The following ABHD12 variants were observed in gnomAD, a reference collection of about 807,000 sequenced individuals.
The protein encoded by ABHD12 is abhydrolase domain containing 12, lysophospholipase.
Under a neutral mutation model 58.3 loss-of-function variants are expected in ABHD12, and 43 were observed. The observed-to-expected ratio is 0.74, with a 90% confidence interval of 0.58 to 0.95. The LOEUF is 0.95. Ranked by LOEUF, ABHD12 falls within the 40% of genes least tolerant of loss-of-function variation. ABHD12 has a pLI of 0.00. For missense variants in ABHD12, 539 were observed against 537.2 expected (o/e 1.00, Z -0.03); for synonymous variants, 219 against 211.2 (o/e 1.04, Z -0.32).
chr20:25,299,460 C>T (rs182461604), downstream of ABHD12, among the ~76,000 whole-genome samples: 1 of 152,114 alleles, frequency 6.6e-6, no homozygotes, highest in East Asian at 1.9e-4. Flanking sequence ...GCCTCAGTCC[C>T]CCAGCCAAGT....
In ABHD12 at chr20:25,300,789, C is replaced by T. The variant is rs2088621131; in HGVS notation, c.*56G>A. 28 of 1,613,628 alleles carry T rather than the reference C, an allele frequency of 1.7e-5. No individual in the cohort carries two copies. The South Asian group carries it at 2.4e-4, about 14-fold the overall frequency. On this transcript the variant is annotated 3_prime_UTR_variant, in exon 13 of 13. Transcript: ENST00000339157. ...GGGCTTCAGGATACCGGGCTGCTGA[C>T]TGGAGGAAAACGGGAGGAGGGCAGA...
intron 1 of ABHD12, among the ~76,000 whole-genome samples, chr20:25,379,108 A>C (rs1290179638): frequency 6.6e-6 from 1 of 152,076 alleles, no homozygotes; most frequent in African/African-American, 2.4e-5. Flanking sequence ...CTTCGTCTCA[A>C]ACCCAGCCCT....
At chr20:25,380,997 G>C (rs1304853952) in intron 1 of ABHD12, among the ~76,000 whole-genome samples, 1 of 152,162 alleles carries the variant, frequency 6.6e-6, no homozygotes, top group Non-Finnish European at 1.5e-5. Context: ...TGTGAATCCA[G>C]AATCACATGC....
chr20:25,329,263 C>A (rs997316112), intron 2 of ABHD12, among the ~76,000 whole-genome samples: 1 of 152,216 alleles, frequency 6.6e-6, no homozygotes, highest in African/African-American at 2.4e-5. Context: ...CTGGGCGGTG[C>A]GCCCCTTCAT....
chr20:25,332,614 C>T (rs2089296792), intron 2 of ABHD12, among the ~76,000 whole-genome samples: 1 of 151,444 alleles, frequency 6.6e-6, no homozygotes, highest in Non-Finnish European at 1.5e-5. Context: ...ATCTCTCAGA[C>T]CACAGTGCAA....
At chr20:25,315,932 T>C (rs1436193607) in intron 5 of ABHD12, among the ~76,000 whole-genome samples, 1 of 152,158 alleles carries the variant, frequency 6.6e-6, no homozygotes, top group East Asian at 1.9e-4. Flanking sequence ...TTCAACAGTA[T>C]CTCTTGGGCT....
At chr20:25,390,476 GGCCCCCCCCCC>G in intron 1 of ABHD12, 26 bp downstream of exon 1, 8 of 1,031,700 alleles carry the variant, frequency 7.8e-6, no homozygotes, top group South Asian at 1.9e-5. Context: ...GTGAGGGACC[GGCCCCCCCCCC>G]CCCCCCGCTC....
intron 1 of ABHD12, among the ~76,000 whole-genome samples, chr20:25,371,772 C>T (rs2089902666): frequency 6.6e-6 from 1 of 152,190 alleles, no homozygotes. Context: ...TGGTCTCGAA[C>T]TCCTTGGACT....
At chr20:25,384,609 G>A (rs1390628840) in intron 1 of ABHD12, among the ~76,000 whole-genome samples, 1 of 152,078 alleles carries the variant, frequency 6.6e-6, no homozygotes, top group Non-Finnish European at 1.5e-5. Flanking sequence ...GCTAGGCATG[G>A]TGGTGGGTGC....
intron 1 of ABHD12, among the ~76,000 whole-genome samples, chr20:25,345,252 A>AT (rs2089503461): frequency 2.0e-5 from 3 of 151,950 alleles, no homozygotes; most frequent in Admixed American, 2.0e-4. Flanking sequence ...CATCCAGCTG[A>AT]TTTTTTGTAT....
chr20:25,320,110 T>C, intron 4 of ABHD12, 89 bp downstream of exon 4: 1 of 1,582,448 alleles, frequency 6.3e-7, no homozygotes, highest in Non-Finnish European at 8.6e-7. Context: ...AGGTTGCTCC[T>C]GCTGGTTTCC....
intron 3 of ABHD12, among the ~76,000 whole-genome samples, chr20:25,322,526 C>T (rs1482985849): frequency 2.0e-5 from 3 of 148,828 alleles, no homozygotes; most frequent in Non-Finnish European, 3.0e-5. Context: ...ACTACAGGCG[C>T]GTGCCACCAT....
intron 1 of ABHD12, among the ~76,000 whole-genome samples, chr20:25,346,273 C>A (rs1818425508): frequency 6.6e-6 from 1 of 152,124 alleles, no homozygotes; most frequent in African/African-American, 2.4e-5. Context: ...TGTAAAAGGT[C>A]AAACTATGGA....
In ABHD12 at chr20:25,367,507, C is replaced by T. The variant is rs116355809; in HGVS notation, c.191+23006G>A. On this transcript the variant is annotated intron_variant, in intron 1 of 12. Transcript: ENST00000339157. ...CATACTGTTGTGTAATCACCACTACCATCCATCTCTGTAACTCTTTCCATC... is the reference window on the plus strand; with the variant it reads ...CATACTGTTGTGTAATCACCACTACTATCCATCTCTGTAACTCTTTCCATC... 3.5e-3 allele frequency among the ~76,000 whole-genome samples: 536 copies of T among 152,246 alleles called. 3 individuals carry two copies. The highest frequency in any genetic ancestry group is 0.012 in the African/African-American group (502 of 41,544).
At chr20:25,372,208 T>C (rs1047096643) in intron 1 of ABHD12, among the ~76,000 whole-genome samples, 1 of 151,664 alleles carries the variant, frequency 6.6e-6, no homozygotes, top group Non-Finnish European at 1.5e-5. Context: ...TGATGAATTA[T>C]CTCAGCCTCT....
intron 1 of ABHD12, among the ~76,000 whole-genome samples, chr20:25,360,764 C>T (rs1328728493): frequency 2.6e-5 from 4 of 152,174 alleles, no homozygotes; most frequent in Admixed American, 1.3e-4. Flanking sequence ...AGACAAGGCA[C>T]ATGAACCAAC....
At chr20:25,381,641 T>TTC (rs2090023429) in intron 1 of ABHD12, among the ~76,000 whole-genome samples, 1 of 150,986 alleles carries the variant, frequency 6.6e-6, no homozygotes, top group African/African-American at 2.4e-5. Flanking sequence ...TTTTTTTTTT[T>TTC]CCTTGTTTTG....
chr20:25,365,045 T>C (rs1048668426), intron 1 of ABHD12, among the ~76,000 whole-genome samples: 18 of 152,256 alleles, frequency 1.2e-4, no homozygotes, highest in African/African-American at 4.3e-4. Flanking sequence ...AGTTCTCACC[T>C]ATGCAACGTG....
intron 7 of ABHD12, among the ~76,000 whole-genome samples, chr20:25,308,912 C>T (rs1227004194): frequency 1.3e-5 from 2 of 152,252 alleles, no homozygotes; most frequent in Non-Finnish European, 2.9e-5. Context: ...CCCCCACCCA[C>T]TCCTCTCCTG....
Sources: allele counts gnomAD v4.1 joint callset (sites outside exome capture counted in the v4.1 genomes callset), GRCh38; gene constraint gnomAD v4.1.1; transcripts MANE v1.5; gene names NCBI Gene and HGNC (gene_info 2026-07-23, HGNC 2026-07-21).